SLC25A13: variants seen among roughly 807,000 people sequenced by gnomAD.
The protein encoded by SLC25A13 is electrogenic aspartate/glutamate antiporter SLC25A13, mitochondrial.
Under a neutral mutation model 85.5 loss-of-function variants are expected in SLC25A13, and 70 were observed. The observed-to-expected ratio is 0.82, with a 90% CI of 0.68 to 1.00. The LOEUF is 1.00. SLC25A13 is among the 50% of genes least tolerant of loss of function. SLC25A13 has a pLI of 0.00. For missense variants in SLC25A13, 765 were observed against 819.8 expected (o/e 0.93, Z 0.82); for synonymous variants, 259 against 288.7 (o/e 0.90, Z 1.04).
Position 96,138,052 on chromosome 7 carries a change from A to G in SLC25A13, c.1453-6171T>C, listed in dbSNP as rs968644976. Among the ~76,000 whole-genome samples the G allele has an allele frequency of 2.0e-5, 3 of 152,220 alleles. No homozygotes were observed. In the East Asian group the frequency reaches 5.8e-4, roughly 29 times the overall value. On this transcript the variant is annotated intron_variant, in intron 14 of 17. Transcript: ENST00000265631. ...ATCACCTTCCAGAATTTCCTTCATT[A>G]AGGTTCTACTGGTGACACACTTTCT...
chr7:96,267,399 T>C (rs936527565), intron 3 of SLC25A13, among the ~76,000 whole-genome samples: 3 of 152,260 alleles, frequency 2.0e-5, no homozygotes, highest in South Asian at 4.1e-4. Flanking sequence ...TTTATTTATA[T>C]AGGCCACATA....
intron 11 of SLC25A13, among the ~76,000 whole-genome samples, chr7:96,172,038 C>CTT (rs10641951): frequency 0.47 from 70,911 of 151,808 alleles, 17,897 homozygotes; most frequent in African/African-American, 0.67. Context: ...CTGTGTCATA[C>CTT]TGAGAGAGGT....
chr7:96,262,288 C>T (rs1325179110), intron 3 of SLC25A13, among the ~76,000 whole-genome samples: 1 of 152,124 alleles, frequency 6.6e-6, no homozygotes, highest in Non-Finnish European at 1.5e-5. Context: ...ATTAATCCAG[C>T]TTATCTTTCT....
At chr7:96,241,927 T>C (rs949539000) in intron 3 of SLC25A13, among the ~76,000 whole-genome samples, 4 of 152,156 alleles carry the variant, frequency 2.6e-5, no homozygotes, top group Admixed American at 2.6e-4. Flanking sequence ...TTAGACCCCA[T>C]GTGATCCCTT....
intron 3 of SLC25A13, among the ~76,000 whole-genome samples, chr7:96,252,781 T>G (rs965847468): frequency 2.0e-5 from 3 of 151,910 alleles, no homozygotes; most frequent in African/African-American, 7.3e-5. Flanking sequence ...AGAGGAAACT[T>G]GGGGAGAGTG....
At position 96,196,168 on chromosome 7, in the gene SLC25A13, A is replaced by C. The variant is rs1386735684; in HGVS notation, c.469-2985T>G. ...TTCTCTATATGAGTGCTTCCAATTA[A>C]GGAAGAAGAAATCAACTGTTAAACA... On this transcript the variant is annotated intron_variant, in intron 5 of 17. Coordinates refer to ENST00000265631, the MANE Select transcript of SLC25A13 (RefSeq NM_014251.3). Among the ~76,000 whole-genome samples, 5 of 152,244 alleles carry C rather than the reference A, an allele frequency of 3.3e-5. No homozygotes were observed. The East Asian group carries it at 9.6e-4, about 29-fold the overall frequency.
chr7:96,182,443 A>C (rs2116623070), intron 11 of SLC25A13, among the ~76,000 whole-genome samples: 1 of 152,370 alleles, frequency 6.6e-6, no homozygotes, highest in South Asian at 2.1e-4. Context: ...GGGCACCCAA[A>C]GATAAATGGC....
intron 5 of SLC25A13, among the ~76,000 whole-genome samples, chr7:96,207,022 G>A (rs962938247): frequency 1.3e-5 from 2 of 152,018 alleles, no homozygotes; most frequent in Non-Finnish European, 2.9e-5. Context: ...AATGAATACC[G>A]CCTCCTACAG....
chr7:96,216,742 C>G (rs1024670879), intron 4 of SLC25A13, among the ~76,000 whole-genome samples: 1 of 151,856 alleles, frequency 6.6e-6, no homozygotes, highest in Non-Finnish European at 1.5e-5. Context: ...GTGGGGCCTA[C>G]CAGAGGGTAA....
intron 11 of SLC25A13, 33 bp from the exon 12 acceptor site, chr7:96,171,557 A>T (rs1222880561): frequency 6.4e-7 from 1 of 1,565,466 alleles, no homozygotes; most frequent in Admixed American, 1.7e-5. Flanking sequence ...AGTATATTAA[A>T]TAAATTAGCA....
chr7:96,312,394 A>G, intron 1 of SLC25A13, among the ~76,000 whole-genome samples: 1 of 152,222 alleles, frequency 6.6e-6, no homozygotes, highest in East Asian at 1.9e-4. Context: ...TTATATAAAC[A>G]TATGCTAATA....
At chr7:96,309,413 C>T (rs1301361836) in intron 1 of SLC25A13, 1 of 152,210 alleles carries the variant, frequency 6.6e-6, no homozygotes, top group Non-Finnish European at 1.5e-5. Flanking sequence ...ATGATGTGCT[C>T]ACCTGGCGAT....
intron 1 of SLC25A13, among the ~76,000 whole-genome samples, chr7:96,320,161 C>G (rs1299691274): frequency 6.6e-6 from 1 of 152,150 alleles, no homozygotes; most frequent in Non-Finnish European, 1.5e-5. Context: ...CCCACCAGCA[C>G]GCCTAGCTAA....
At chr7:96,209,866 A>C (rs1314036328) in intron 4 of SLC25A13, among the ~76,000 whole-genome samples, 1 of 152,134 alleles carries the variant, frequency 6.6e-6, no homozygotes, top group African/African-American at 2.4e-5. Context: ...CATATTAATA[A>C]TTTTTCCTGG....
At chr7:96,238,773 G>A (rs1796840901) in intron 3 of SLC25A13, among the ~76,000 whole-genome samples, 1 of 151,956 alleles carries the variant, frequency 6.6e-6, no homozygotes, top group Non-Finnish European at 1.5e-5. Context: ...CTCTCCAGGG[G>A]AACTTGCTGG....
rs983514448 is a variant in SLC25A13 at position 96,184,307 on chromosome 7, G to A, written c.1147C>T (p.Arg383Cys). The change falls in exon 11 of 18, where the codon CGC (arginine) becomes TGC (cysteine). Residue 383 changes from arginine (R) to cysteine (C), a missense_variant. Coordinates refer to ENST00000265631, the MANE Select transcript of SLC25A13 (RefSeq NM_014251.3). ...NSFDCFKKVL[R>C]YEGFFGLYRG... Reference sequence around the variant, plus strand: ...TACAGTCCAAAGAAGCCTTCATAGCGTAGCACTTTCTTAAAACAGTCAAAG... The same window carrying A: ...TACAGTCCAAAGAAGCCTTCATAGCATAGCACTTTCTTAAAACAGTCAAAG... 26 of 1,614,022 alleles carry A rather than the reference G, an allele frequency of 1.6e-5. No homozygotes were observed. Among genetic ancestry groups the A allele is most frequent in the Middle Eastern group, 1.6e-4 (1 of 6,082 alleles).
chr7:96,135,532 G>A (rs1054723164), intron 14 of SLC25A13, among the ~76,000 whole-genome samples: 1 of 152,190 alleles, frequency 6.6e-6, no homozygotes, highest in Non-Finnish European at 1.5e-5. Context: ...AAAGTTCTAA[G>A]GGGGAAAATG....
intron 1 of SLC25A13, among the ~76,000 whole-genome samples, chr7:96,317,967 A>G (rs1800193943): frequency 6.6e-6 from 1 of 152,088 alleles, no homozygotes; most frequent in Admixed American, 6.5e-5. Flanking sequence ...ATGCCCAGCT[A>G]ACAATTCATT....
intron 5 of SLC25A13, among the ~76,000 whole-genome samples, chr7:96,193,415 A>G (rs148983473): frequency 6.6e-5 from 10 of 152,288 alleles, no homozygotes; most frequent in Middle Eastern, 3.4e-3. Context: ...CTGCTACCCA[A>G]TGAAACCCAA....
Sources: allele counts gnomAD v4.1 joint callset (sites outside exome capture counted in the v4.1 genomes callset), GRCh38; gene constraint gnomAD v4.1.1; transcripts MANE v1.5; gene names NCBI Gene and HGNC (gene_info 2026-07-23, HGNC 2026-07-21).